The following SLC36A1 variants were observed in gnomAD, a reference collection of about 807,000 sequenced individuals.
The protein encoded by SLC36A1 is proton-coupled amino acid transporter 1.
In SLC36A1, 30 loss-of-function variants were observed where a neutral mutation model predicts 47.5. That is an observed-to-expected ratio of 0.63 (90% confidence interval 0.47 to 0.86). The LOEUF is 0.86. SLC36A1 is among the 40% of genes least tolerant of loss of function. SLC36A1 has a pLI of 0.00. For synonymous variants in SLC36A1, 255 were observed against 249.7 expected, an observed-to-expected ratio of 1.02 and a Z score of -0.20; for missense variants, 517 against 606.0, an observed-to-expected ratio of 0.85 and a Z score of 1.54.
At chr5:151,423,700 A>G in the SLC36A1 span, among the ~76,000 whole-genome samples, 3 of 152,248 alleles carry the variant, frequency 2.0e-5, no homozygotes, top group African/African-American at 7.2e-5. Flanking sequence ...GTATGATACT[A>G]TAATGGTGGA....
chr5:151,454,934 G>A (rs1754271602), intron 1 of SLC36A1, among the ~76,000 whole-genome samples: 1 of 152,058 alleles, frequency 6.6e-6, no homozygotes, highest in Non-Finnish European at 1.5e-5. Context: ...TACCCCTCAA[G>A]TTGCTAGGTG....
At chr5:151,439,186 G>A (rs567425358) in intron 1 of SLC36A1, among the ~76,000 whole-genome samples, 20 of 152,174 alleles carry the variant, frequency 1.3e-4, no homozygotes, top group South Asian at 1.0e-3. Flanking sequence ...AACTCCCTCA[G>A]TATCACTAGA....
chr5:151,431,011 G>T, the SLC36A1 span, among the ~76,000 whole-genome samples: 3 of 152,170 alleles, frequency 2.0e-5, no homozygotes, highest in Non-Finnish European at 4.4e-5. Context: ...ATGGTATGTT[G>T]TGTTCATTGC....
the SLC36A1 span, among the ~76,000 whole-genome samples, chr5:151,522,580 T>C: frequency 6.6e-6 from 1 of 152,216 alleles, no homozygotes; most frequent in African/African-American, 2.4e-5. Context: ...CGAAGTCTTC[T>C]GCTGTGGCCA....
the SLC36A1 span, chr5:151,505,275 T>C: frequency 2.1e-6 from 1 of 472,906 alleles, no homozygotes; most frequent in Non-Finnish European, 3.7e-6. Flanking sequence ...AGCCCTCCTG[T>C]CTCTCGCCCA....
chr5:151,521,194 C>T, the SLC36A1 span: 1 of 1,398,656 alleles, frequency 7.1e-7, no homozygotes, highest in Admixed American at 2.2e-5. Flanking sequence ...TCCCACAGAG[C>T]CTCAGTGGAA....
the SLC36A1 span, chr5:151,550,958 G>GCCTA: frequency 8.4e-7 from 1 of 1,184,778 alleles, no homozygotes; most frequent in Non-Finnish European, 1.2e-6. Context: ...TATCACCCAG[G>GCCTA]CCTAGCACAG....
chr5:151,510,415 AACAGGATAACAACCATAG>A, the SLC36A1 span: 1 of 450,078 alleles, frequency 2.2e-6, no homozygotes, highest in Non-Finnish European at 4.1e-6. Context: ...AACAGTAATA[AACAGGATAACAACCATAG>A]ACACTAACTT....
intron 2 of SLC36A1, among the ~76,000 whole-genome samples, chr5:151,461,171 T>G (rs1755450407): frequency 1.5e-5 from 2 of 136,256 alleles, no homozygotes; most frequent in African/African-American, 6.0e-5. Flanking sequence ...TTTTTTTTTT[T>G]GTAGAGATAG....
the SLC36A1 span, among the ~76,000 whole-genome samples, chr5:151,522,380 T>C: frequency 1.2e-4 from 19 of 152,348 alleles, no homozygotes; most frequent in South Asian, 3.9e-3. Flanking sequence ...CCTAAATCTC[T>C]CCAGCCATAG....
chr5:151,482,088 C>T (rs1051703807), intron 10 of SLC36A1, among the ~76,000 whole-genome samples: 6 of 152,194 alleles, frequency 3.9e-5, no homozygotes, highest in Non-Finnish European at 8.8e-5. Flanking sequence ...TCGCATCATC[C>T]AAGAAGCCTG....
the SLC36A1 span, among the ~76,000 whole-genome samples, chr5:151,393,517 T>A: frequency 1.3e-5 from 2 of 151,962 alleles, no homozygotes; most frequent in African/African-American, 4.8e-5. Flanking sequence ...TTACAATTTG[T>A]CATGTTTTTG....
chr5:151,435,662 G>C (rs1759728705), upstream of SLC36A1, among the ~76,000 whole-genome samples: 1 of 151,696 alleles, frequency 6.6e-6, no homozygotes, highest in South Asian at 2.1e-4. Context: ...AAAATTACTA[G>C]GGTATGGCTA....
chr5:151,386,672 T>C, the SLC36A1 span, among the ~76,000 whole-genome samples: 1 of 152,166 alleles, frequency 6.6e-6, no homozygotes, highest in Non-Finnish European at 1.5e-5. Context: ...GGACACTCTC[T>C]CCATAGAATT....
At chr5:151,503,645 C>G in the SLC36A1 span, among the ~76,000 whole-genome samples, 1 of 152,080 alleles carries the variant, frequency 6.6e-6, no homozygotes. Flanking sequence ...GAGTAGCAGC[C>G]AGAGGCTGAC....
At chr5:151,513,554 G>A in the SLC36A1 span, among the ~76,000 whole-genome samples, 1 of 152,152 alleles carries the variant, frequency 6.6e-6, no homozygotes, top group Non-Finnish European at 1.5e-5. Flanking sequence ...GAGTACACAG[G>A]GACGCAAAGA....
chr5:151,459,827 A>G (rs1040958692), intron 2 of SLC36A1: 1 of 151,806 alleles, frequency 6.6e-6, no homozygotes, highest in Non-Finnish European at 1.5e-5. Flanking sequence ...TTCTGGGCTC[A>G]TCACTGGAGA....
chr5:151,378,805 C>A, the SLC36A1 span, among the ~76,000 whole-genome samples: 1 of 152,184 alleles, frequency 6.6e-6, no homozygotes, highest in Admixed American at 6.5e-5. Flanking sequence ...CTCTACCCAC[C>A]CCCTGCCACT....
the SLC36A1 span, among the ~76,000 whole-genome samples, chr5:151,392,982 G>A: frequency 1.3e-5 from 2 of 151,982 alleles, no homozygotes; most frequent in African/African-American, 2.4e-5. Context: ...TCATTGATCT[G>A]TCTAATGTTG....
Sources: allele counts gnomAD v4.1 joint callset (sites outside exome capture counted in the v4.1 genomes callset), GRCh38; gene constraint gnomAD v4.1.1; transcripts MANE v1.5; gene names NCBI Gene and HGNC (gene_info 2026-07-23, HGNC 2026-07-21).